TMCO4: variants seen among roughly 807,000 people sequenced by gnomAD.
TMCO4 encodes transmembrane and coiled-coil domain-containing protein 4.
A neutral mutation model predicts 64.7 loss-of-function variants in TMCO4; 58 were observed. The observed-to-expected ratio is 0.90, with a 90% confidence interval of 0.73 to 1.12. The LOEUF is 1.12. Ranked by LOEUF, TMCO4 falls within the 50% of genes most tolerant of loss-of-function variation. The pLI is 0.00. For missense variants in TMCO4, 780 were observed against 825.9 expected (o/e 0.94, Z 0.68); for synonymous variants, 325 against 346.1 (o/e 0.94, Z 0.68).
intron 3 of TMCO4, among the ~76,000 whole-genome samples, 161 bp downstream of exon 3, chr1:19,786,865 G>A (rs1166013466): frequency 4.6e-5 from 7 of 152,124 alleles, no homozygotes; most frequent in Non-Finnish European, 4.4e-5. Context: ...TAATAAACAC[G>A]TATTAGCCCT....
chr1:19,686,503 G>A (rs1299854534), intron 15 of TMCO4, among the ~76,000 whole-genome samples: 1 of 152,196 alleles, frequency 6.6e-6, no homozygotes, highest in African/African-American at 2.4e-5. Context: ...ACAATTCCCT[G>A]TACAGTTTTG....
chr1:19,762,163 CA>C (rs1275958598), intron 6 of TMCO4, among the ~76,000 whole-genome samples: 2 of 152,182 alleles, frequency 1.3e-5, no homozygotes, highest in Non-Finnish European at 2.9e-5. Context: ...CTTTTAAAGG[CA>C]AATGCCTTAC....
At chr1:19,761,640 T>C (rs2042510301) in intron 6 of TMCO4, among the ~76,000 whole-genome samples, 1 of 152,234 alleles carries the variant, frequency 6.6e-6, no homozygotes, top group South Asian at 2.1e-4. Context: ...TCTTAGAGTT[T>C]AGGGAACATC....
rs372897786 is a variant in TMCO4 at position 19,765,856 on chromosome 1, C to T, written c.382+4686G>A. ...TCATGCTAATTTCCTGGGCTGACTC[C>T]GTGACTAATCAGCCCGTCTCACACC... is the stretch of plus-strand genomic sequence containing the variant. On this transcript the variant is annotated intron_variant, in intron 6 of 15. Transcript: ENST00000294543. 5.9e-5 allele frequency among the ~76,000 whole-genome samples: 9 copies of T among 152,254 alleles called. No homozygotes were observed. In the South Asian group the frequency reaches 6.2e-4, roughly 11 times the overall value.
At chr1:19,742,373 T>A (rs1007679995) in intron 10 of TMCO4, among the ~76,000 whole-genome samples, 1 of 152,204 alleles carries the variant, frequency 6.6e-6, no homozygotes, top group Admixed American at 6.5e-5. Flanking sequence ...CATGTGGGAA[T>A]GGAGGGGTGG....
intron 2 of TMCO4, among the ~76,000 whole-genome samples, chr1:19,796,599 G>A (rs1414435909): frequency 6.6e-6 from 1 of 151,940 alleles, no homozygotes; most frequent in African/African-American, 2.4e-5. Context: ...TTTTTGAGAT[G>A]GAGTCTTGCT....
chr1:19,764,875 T>C (rs1233105136), intron 6 of TMCO4, among the ~76,000 whole-genome samples: 1 of 147,554 alleles, frequency 6.8e-6, no homozygotes, highest in Non-Finnish European at 1.5e-5. Flanking sequence ...AAAAGGATGT[T>C]GATGGAGAAC....
At chr1:19,766,232 C>A (rs2042730810) in intron 6 of TMCO4, among the ~76,000 whole-genome samples, 1 of 152,170 alleles carries the variant, frequency 6.6e-6, no homozygotes, top group African/African-American at 2.4e-5. Flanking sequence ...TGCTGGGATG[C>A]AAAGGTAAAC....
intron 1 of TMCO4, among the ~76,000 whole-genome samples, chr1:19,798,790 G>A (rs932567879): frequency 6.6e-6 from 1 of 152,216 alleles, no homozygotes; most frequent in Non-Finnish European, 1.5e-5. Flanking sequence ...ACTTCCTGAG[G>A]GCAGCGCTCC....
chr1:19,700,271 C>T (rs2095263168), intron 14 of TMCO4, among the ~76,000 whole-genome samples: 1 of 152,190 alleles, frequency 6.6e-6, no homozygotes, highest in African/African-American at 2.4e-5. Context: ...GGTATAGGCT[C>T]CTGCACGCTG....
intron 6 of TMCO4, among the ~76,000 whole-genome samples, chr1:19,762,552 G>A (rs1005791325): frequency 6.6e-6 from 1 of 152,166 alleles, no homozygotes; most frequent in African/African-American, 2.4e-5. Context: ...GGACTCCTTC[G>A]CCCACCAGCA....
Position 19,733,311 on chromosome 1 carries a change from G to A in TMCO4, c.1264+4061C>T, listed in dbSNP as rs151065968. 4.1e-3 allele frequency among the ~76,000 whole-genome samples: 630 copies of A among 152,152 alleles called. 7 individuals are homozygous for A. Among genetic ancestry groups the A allele is most frequent in the African/African-American group, 0.014 (579 of 41,512 alleles). ...CTTAATAAAATATTGAAGACCTGTGGTGCCCATGTTAAAAGGACTCCCTTC... is the reference window on the plus strand; with the variant it reads ...CTTAATAAAATATTGAAGACCTGTGATGCCCATGTTAAAAGGACTCCCTTC... On this transcript the variant is annotated intron_variant, in intron 13 of 15. Transcript: ENST00000294543.
chr1:19,792,666 A>C (rs1433141833), intron 2 of TMCO4, among the ~76,000 whole-genome samples: 1 of 152,116 alleles, frequency 6.6e-6, no homozygotes. Flanking sequence ...GGGCCTTTAG[A>C]AGATCACATG....
At chr1:19,789,030 G>A (rs1278998993) in intron 2 of TMCO4, among the ~76,000 whole-genome samples, 2 of 150,456 alleles carry the variant, frequency 1.3e-5, no homozygotes, top group Non-Finnish European at 1.5e-5. Context: ...AGCCGAGATC[G>A]CATCACTGCA....
chr1:19,694,755 G>A (rs1283433065), intron 14 of TMCO4, among the ~76,000 whole-genome samples: 1 of 152,226 alleles, frequency 6.6e-6, no homozygotes, highest in Non-Finnish European at 1.5e-5. Context: ...CAGGCATGGT[G>A]TGCAGGGCTA....
intron 3 of TMCO4, among the ~76,000 whole-genome samples, chr1:19,784,798 T>C (rs1234646835): frequency 1.5e-5 from 2 of 132,852 alleles, no homozygotes; most frequent in Non-Finnish European, 3.2e-5. Flanking sequence ...AAGAATTGGT[T>C]TGGGCCACAC....
At chr1:19,744,959 T>C (rs1014885903) in intron 10 of TMCO4, among the ~76,000 whole-genome samples, 1 of 152,156 alleles carries the variant, frequency 6.6e-6, no homozygotes, top group South Asian at 2.1e-4. Flanking sequence ...AGTACAGCAC[T>C]TTATAAATAC....
At chr1:19,788,498 AT>A (rs1359854650) in intron 2 of TMCO4, among the ~76,000 whole-genome samples, 2 of 152,096 alleles carry the variant, frequency 1.3e-5, no homozygotes, top group African/African-American at 2.4e-5. Flanking sequence ...GATGATTTTA[AT>A]TTTTTTATAT....
rs147694160 is a variant in TMCO4 at position 19,715,688 on chromosome 1, G to A, written c.1265-14803C>T. On this transcript the variant is annotated intron_variant, in intron 13 of 15. Coordinates refer to ENST00000294543, the MANE Select transcript of TMCO4 (RefSeq NM_181719.7). Reference sequence around the variant, plus strand: ...TCCCCAGCAAGCACCCTCTGGACACGCCCCCTGGGCTGGGATTGGAGGAGG... The same window carrying A: ...TCCCCAGCAAGCACCCTCTGGACACACCCCCTGGGCTGGGATTGGAGGAGG... 1.4e-3 allele frequency among the ~76,000 whole-genome samples: 212 copies of A among 152,338 alleles called. 1 individual carries two copies. The highest frequency in any genetic ancestry group is 4.8e-3 in the African/African-American group (200 of 41,572).
Sources: allele counts gnomAD v4.1 joint callset (sites outside exome capture counted in the v4.1 genomes callset), GRCh38; gene constraint gnomAD v4.1.1; transcripts MANE v1.5; gene names NCBI Gene and HGNC (gene_info 2026-07-23, HGNC 2026-07-21).